Variants in STAM observed in about 807,000 individuals in gnomAD.
The protein encoded by STAM is signal transducing adaptor molecule, also known as signal transducing adapter molecule 1.
STAM carries 16 observed loss-of-function variants against 63.4 expected under a neutral mutation model. That is an observed-to-expected ratio of 0.25 (90% CI 0.17 to 0.38). The LOEUF (loss-of-function observed/expected upper bound fraction) is 0.38. Among genes scored for constraint, STAM ranks in the 10% least tolerant of loss-of-function variants. The pLI, the probability that STAM is intolerant of heterozygous loss-of-function variation, is 1.00. For synonymous variants in STAM, 238 were observed against 223.9 expected (o/e 1.06, Z -0.56); for missense variants, 636 against 657.1 (o/e 0.97, Z 0.35).
chr10:17,666,661 C>T (rs1048115841), intron 2 of STAM, among the ~76,000 whole-genome samples: 1 of 151,940 alleles, frequency 6.6e-6, no homozygotes, highest in African/African-American at 2.4e-5. Flanking sequence ...CCTCCCAAAG[C>T]GCTGGGATTA....
At chr10:17,660,049 C>CAAAAAA (rs57550622) in intron 1 of STAM, among the ~76,000 whole-genome samples, 1 of 148,640 alleles carries the variant, frequency 6.7e-6, no homozygotes, top group Admixed American at 6.7e-5. Flanking sequence ...TCCATATTAT[C>CAAAAAA]AAAAAAAAAA....
intron 5 of STAM, among the ~76,000 whole-genome samples, chr10:17,690,954 G>A (rs1191112489): frequency 6.6e-6 from 1 of 152,120 alleles, no homozygotes; most frequent in Admixed American, 6.5e-5. Context: ...GCTTCACATA[G>A]CTTATTTCTG....
In STAM at chr10:17,716,383, C is replaced by T. The variant is rs902317430; in HGVS notation, c.*1603C>T. Among the ~76,000 whole-genome samples the T allele has an allele frequency of 2.1e-4, 31 of 148,942 alleles. No individual in the cohort carries two copies. Among genetic ancestry groups the T allele is most frequent in the African/African-American group, 7.2e-4 (29 of 40,436 alleles). On this transcript the variant is annotated 3_prime_UTR_variant, in exon 14 of 14. Coordinates refer to ENST00000377524, the MANE Select transcript of STAM (RefSeq NM_003473.4). The stretch of plus-strand genomic sequence containing the variant: ...AAATCTGAGCCTGTGAAATTAGTCA[C>T]CTGTAAGATTACTTAAGGGTAACTT...
chr10:17,691,559 C>T (rs1328973607), intron 5 of STAM, among the ~76,000 whole-genome samples: 3 of 152,240 alleles, frequency 2.0e-5, no homozygotes, highest in Non-Finnish European at 2.9e-5. Flanking sequence ...TTTGACAACA[C>T]GAAATCCAGT....
At chr10:17,701,078 C>T (rs1306332014) in intron 9 of STAM, among the ~76,000 whole-genome samples, 1 of 152,136 alleles carries the variant, frequency 6.6e-6, no homozygotes, top group African/African-American at 2.4e-5. Context: ...ATAATATCAA[C>T]TTGGTGACAC....
chr10:17,651,147 A>G lies in STAM; in HGVS notation c.40+6768A>G, dbSNP rs528887386. Among the ~76,000 whole-genome samples the G allele has an allele frequency of 9.3e-5, 14 of 150,672 alleles. No individual in the cohort carries two copies. In the East Asian group the frequency reaches 2.5e-3, roughly 27 times the overall value. ...TTTGAACTTTTCAGCAGGGCATGTA[A>G]GGCCTCTTATATTTGGCTTCTTTGT... On this transcript the variant is annotated intron_variant, in intron 1 of 13. Transcript: ENST00000377524.
At chr10:17,648,330 G>C (rs900536967) in intron 1 of STAM, among the ~76,000 whole-genome samples, 23 of 152,166 alleles carry the variant, frequency 1.5e-4, no homozygotes, top group Non-Finnish European at 2.9e-4. Context: ...TAGCTAGCTA[G>C]AGGTTTGTAA....
chr10:17,686,198 A>G (rs928989145), intron 4 of STAM, among the ~76,000 whole-genome samples: 4 of 152,178 alleles, frequency 2.6e-5, no homozygotes, highest in Non-Finnish European at 5.9e-5. Flanking sequence ...ACAACTGTTT[A>G]TGAAGAGATT....
At chr10:17,660,159 T>C (rs1464424020) in intron 1 of STAM, among the ~76,000 whole-genome samples, 1 of 152,202 alleles carries the variant, frequency 6.6e-6, no homozygotes, top group African/African-American at 2.4e-5. Context: ...ATAGTATTTC[T>C]TATTTTAGTC....
chr10:17,660,624 AC>A lies in STAM; in HGVS notation c.125+78del, dbSNP rs1216411468. On this transcript the variant is annotated intron_variant, in intron 2 of 13. Coordinates refer to ENST00000377524, the MANE Select transcript of STAM (RefSeq NM_003473.4). ...CGAAAGGCCAGGTGCAGTGGCTTGCACCTGTAGGCCCAGCCCCTCGGTAGGA... is the reference window on the plus strand; with the variant it reads ...CGAAAGGCCAGGTGCAGTGGCTTGCACTGTAGGCCCAGCCCCTCGGTAGGA... 2.6e-6 allele frequency: 3 copies of A among 1,140,502 alleles called. No individual in the cohort carries two copies. The African/African-American group carries it at 4.7e-5, about 18-fold the overall frequency. 70.6% of individuals were successfully genotyped at this position (1,140,502 alleles called of 1,614,324 possible).
intron 8 of STAM, among the ~76,000 whole-genome samples, chr10:17,698,421 CTT>C (rs36053695): frequency 1.4e-5 from 2 of 142,052 alleles, no homozygotes. Flanking sequence ...GCCATTTCAT[CTT>C]TTTTTTTTTT....
rs540294862 is a variant in STAM at position 17,655,891 on chromosome 10, C to T, written c.41-4573C>T. Among the ~76,000 whole-genome samples the T allele has an allele frequency of 5.1e-4, 77 of 152,288 alleles. 1 individual carries two copies. In the South Asian group the frequency reaches 0.014, roughly 28 times the overall value. On this transcript the variant is annotated intron_variant, in intron 1 of 13. Coordinates refer to ENST00000377524, the MANE Select transcript of STAM (RefSeq NM_003473.4). ...AGACTGGTTACCCTCTGCTTCTGTA[C>T]AGCTGTTGTTTTGAAATATAATGAT...
chr10:17,680,069 T>A (rs1478929704), intron 2 of STAM, among the ~76,000 whole-genome samples: 1 of 152,156 alleles, frequency 6.6e-6, no homozygotes, highest in Non-Finnish European at 1.5e-5. Context: ...TTCTGTTGTC[T>A]GTTTTATTTA....
intron 2 of STAM, among the ~76,000 whole-genome samples, chr10:17,667,401 C>T (rs541969917): frequency 5.3e-5 from 8 of 152,154 alleles, no homozygotes; most frequent in South Asian, 2.1e-4. Context: ...GTATTACAGG[C>T]GTGAGCCACC....
chr10:17,677,787 C>T (rs1194564756), intron 2 of STAM, among the ~76,000 whole-genome samples: 17 of 152,150 alleles, frequency 1.1e-4, no homozygotes, highest in Non-Finnish European at 8.8e-5. Context: ...GTGGAAGCAG[C>T]CTCACAGGCA....
At chr10:17,664,741 G>T (rs1255114384) in intron 2 of STAM, among the ~76,000 whole-genome samples, 1 of 152,102 alleles carries the variant, frequency 6.6e-6, no homozygotes, top group Non-Finnish European at 1.5e-5. Flanking sequence ...AGATTGGAAT[G>T]CAGTTCAGAA....
intron 2 of STAM, 148 bp from the exon 3 acceptor site, chr10:17,684,527 G>A: frequency 1.8e-6 from 1 of 542,662 alleles, no homozygotes; most frequent in South Asian, 3.5e-5. Flanking sequence ...CTAGTTTACA[G>A]TTTTTCAACC....
intron 1 of STAM, among the ~76,000 whole-genome samples, chr10:17,655,926 GT>G (rs1334559922): frequency 4.6e-5 from 7 of 150,688 alleles, no homozygotes; most frequent in African/African-American, 1.5e-4. Flanking sequence ...TTTTTTTAAA[GT>G]TTTTTTTCCT....
At chr10:17,693,649 T>C (rs1282157349) in intron 6 of STAM, among the ~76,000 whole-genome samples, 2 of 152,198 alleles carry the variant, frequency 1.3e-5, no homozygotes, top group Admixed American at 6.5e-5. Context: ...TCTATTCGTG[T>C]GATATATCCA....
Sources: allele counts gnomAD v4.1 joint callset (sites outside exome capture counted in the v4.1 genomes callset), GRCh38; gene constraint gnomAD v4.1.1; transcripts MANE v1.5; gene names NCBI Gene and HGNC (gene_info 2026-07-23, HGNC 2026-07-21).